Variants in PUS7L observed in about 807,000 individuals in gnomAD.
The protein encoded by PUS7L is pseudouridine synthase 7 like, also known as pseudouridylate synthase PUS7L.
PUS7L carries 49 observed loss-of-function variants against 51.1 expected under a neutral mutation model. The ratio of observed to expected loss-of-function variants is 0.96; its 90% CI spans 0.76 to 1.22. The LOEUF is 1.22. Ranked by LOEUF, PUS7L falls within the 50% of genes most tolerant of loss-of-function variation. The pLI, the probability that PUS7L is intolerant of heterozygous loss-of-function variation, is 0.00. For missense variants in PUS7L, 828 were observed against 820.6 expected, an observed-to-expected ratio of 1.01 and a Z score of -0.11; for synonymous variants, 277 against 276.2, an observed-to-expected ratio of 1.00 and a Z score of -0.03.
rs1944451035 is a variant in PUS7L at position 43,726,055 on chromosome 12, C to T, written c.*4321G>A. On this transcript the variant is annotated 3_prime_UTR_variant, in exon 9 of 9. Coordinates refer to ENST00000344862, the MANE Select transcript of PUS7L (RefSeq NM_031292.5). The stretch of plus-strand genomic sequence containing the variant: ...TCACCTAACCGACTCCCAGGCACTA[C>T]TGCTAGCTCAGCGTCAAACAACCTT... The T allele has an allele frequency of 6.6e-6, 1 of 152,110 alleles. No individual in the cohort carries two copies. The highest frequency in any genetic ancestry group is 1.5e-5 in the Non-Finnish European group (1 of 68,004). The allele number at this position is 152,110 out of a possible 1,614,324, so 9.4% of individuals were successfully genotyped here. A position where few individuals can be genotyped will look rare whatever the true frequency, so the allele number is the denominator to read the frequency against.
Position 43,725,899 on chromosome 12 carries a change from G to A in PUS7L, c.*4477C>T, listed in dbSNP as rs1944448457. The A allele has an allele frequency of 6.6e-6, 1 of 151,984 alleles. No individual in the cohort carries two copies. Among genetic ancestry groups the A allele is most frequent in the African/African-American group, 2.4e-5 (1 of 41,354 alleles). The allele number at this position is 151,984 out of a possible 1,614,324, so 9.4% of individuals were successfully genotyped here. On this transcript the variant is annotated 3_prime_UTR_variant, in exon 9 of 9. Coordinates refer to ENST00000344862, the MANE Select transcript of PUS7L (RefSeq NM_031292.5). ...GGTGGGAATATGGATTAAAGTGTGA[G>A]ATACTGACATAATAGATACTCAGAA...
chr12:43,734,532 T>C (rs1237711760), intron 7 of PUS7L, among the ~76,000 whole-genome samples: 1 of 152,214 alleles, frequency 6.6e-6, no homozygotes, highest in African/African-American at 2.4e-5. Flanking sequence ...CCTTAATTAA[T>C]ACATCAAGAA....
intron 1 of PUS7L, among the ~76,000 whole-genome samples, chr12:43,757,345 AT>A (rs1187632554): frequency 6.7e-6 from 1 of 150,118 alleles, no homozygotes; most frequent in Non-Finnish European, 1.5e-5. Context: ...TAATTCTTGT[AT>A]TTTTTTAGTA....
intron 7 of PUS7L, among the ~76,000 whole-genome samples, chr12:43,733,473 AATATGT>A (rs1275496862): frequency 2.0e-5 from 3 of 152,208 alleles, no homozygotes; most frequent in African/African-American, 7.2e-5. Context: ...AATTCTGCAA[AATATGT>A]AGGAGAAAAT....
intron 3 of PUS7L, among the ~76,000 whole-genome samples, chr12:43,747,503 G>A (rs1432955941): frequency 1.3e-5 from 2 of 152,026 alleles, no homozygotes; most frequent in Non-Finnish European, 2.9e-5. Flanking sequence ...AGACCAGCCT[G>A]GCCAACATGG....
rs1295520824 is a variant in PUS7L at position 43,736,382 on chromosome 12, T to TTA, written c.1722_1723dup (p.Lys575IlefsTer6). On this transcript the variant is annotated frameshift_variant and splice_region_variant, in exon 7 of 9. Coordinates refer to ENST00000344862, the MANE Select transcript of PUS7L (RefSeq NM_031292.5). LOFTEE classifies it high-confidence loss of function. ...AAACTCTGATGGAATGATACTTACT[T>TTA]TACTATTTGGGAAATTCTCGTCATC... The TTA allele has an allele frequency of 6.8e-6, 11 of 1,613,062 alleles. No homozygotes were observed. The African/African-American group carries it at 1.3e-4, about 20-fold the overall frequency.
At position 43,736,230 on chromosome 12, in the gene PUS7L, C is replaced by T. The variant is rs12296219; in HGVS notation, c.1725+151G>A. ...ACATGTGTTAAGCCTAAACTGACAG[C>T]AGACTTGAAGCAGGAGATGAGTAAA... On this transcript the variant is annotated intron_variant, in intron 7 of 8. Transcript: ENST00000344862. 2,802 of 681,592 alleles carry T rather than the reference C, an allele frequency of 4.1e-3. 58 individuals are homozygous for T. In the African/African-American group the frequency reaches 0.045, roughly 11 times the overall value. The allele number at this position is 681,592 out of a possible 1,614,324, so 42.2% of individuals were successfully genotyped here.
chr12:43,735,884 C>T (rs1484545670), intron 7 of PUS7L, among the ~76,000 whole-genome samples: 1 of 152,144 alleles, frequency 6.6e-6, no homozygotes, highest in Non-Finnish European at 1.5e-5. Context: ...TCAAGAGATT[C>T]TCCTGCCTCA....
intron 2 of PUS7L, among the ~76,000 whole-genome samples, chr12:43,753,403 C>G (rs1050568398): frequency 6.6e-6 from 1 of 152,070 alleles, no homozygotes. Flanking sequence ...TTTTTGTGAA[C>G]TAAAAGTCAT....
intron 1 of PUS7L, among the ~76,000 whole-genome samples, chr12:43,757,090 C>T (rs780092933): frequency 6.6e-6 from 1 of 152,202 alleles, no homozygotes; most frequent in African/African-American, 2.4e-5. Flanking sequence ...ATTGTTCCCT[C>T]CCCAATCATA....
chr12:43,738,309 C>A lies in PUS7L; in HGVS notation c.1444+1G>T, dbSNP rs759179787. On this transcript the variant is annotated splice_donor_variant, in intron 6 of 8. Transcript: ENST00000344862. LOFTEE classifies it high-confidence loss of function. ...TGTACAGGATAAAGAAACGTAAATA[C>A]CAGTTTGAAGAAAATACTTCTTTGC... 1.2e-5 allele frequency: 18 copies of A among 1,494,864 alleles called. No homozygotes were observed. Among genetic ancestry groups the A allele is most frequent in the Non-Finnish European group, 1.7e-5 (18 of 1,072,108 alleles). The allele number at this position is 1,494,864 out of a possible 1,614,324, so 92.6% of individuals were successfully genotyped here.
In PUS7L at chr12:43,748,451, T is replaced by G. The variant is rs1359155743; in HGVS notation, c.1069A>C (p.Arg357=). ...TAAAATTTCTTAATATCTTATTACC[T>G]CTCTGGAGTCACTTTTCTAACAACC... ...AMVVRKVTPE[R]LKNIEKEIEK... Residue 357 remains arginine (R), a splice_region_variant and synonymous_variant, in exon 3 of 9, where the codon AGG becomes CGG. Transcript: ENST00000344862. 1 of 1,582,428 alleles carries G rather than the reference T, an allele frequency of 6.3e-7. No individual in the cohort carries two copies. The highest frequency in any genetic ancestry group is 8.5e-7 in the Non-Finnish European group (1 of 1,170,954).
chr12:43,723,072 A>C lies in PUS7L; in HGVS notation c.*7304T>G, dbSNP rs1944415796. 1 of 152,126 alleles carries C rather than the reference A, an allele frequency of 6.6e-6. No homozygotes were observed. The highest frequency in any genetic ancestry group is 1.5e-5 in the Non-Finnish European group (1 of 67,980). 9.4% of individuals were successfully genotyped at this position (152,126 alleles called of 1,614,324 possible). A position where few individuals can be genotyped will look rare whatever the true frequency, so the allele number is the denominator to read the frequency against. Reference sequence around the variant, plus strand: ...GAGTTTCTAACAAAAAAGACAATTTAATATATCTTATATTTTGTAATATGT... The same window carrying C: ...GAGTTTCTAACAAAAAAGACAATTTCATATATCTTATATTTTGTAATATGT... On this transcript the variant is annotated 3_prime_UTR_variant, in exon 9 of 9. Transcript: ENST00000344862.
Position 43,758,711 on chromosome 12 carries a change from G to C in PUS7L, c.-17+19C>G. ...CACATACAAGCCCACCATCGCGCAA[G>C]AAACTCGACCCCGTCTACCTCGGTT... On this transcript the variant is annotated intron_variant, in intron 1 of 8. Coordinates refer to ENST00000344862, the MANE Select transcript of PUS7L (RefSeq NM_031292.5). 5.4e-6 allele frequency: 5 copies of C among 932,250 alleles called. No homozygotes were observed. Among genetic ancestry groups the C allele is most frequent in the Non-Finnish European group, 6.2e-6 (5 of 804,734 alleles). The allele number at this position is 932,250 out of a possible 1,614,324, so 57.7% of individuals were successfully genotyped here.
At position 43,755,043 on chromosome 12, in the gene PUS7L, G is replaced by A. The variant is rs1315763228; in HGVS notation, c.203C>T (p.Pro68Leu). Residue 68 changes from proline (P) to leucine (L), a missense_variant, in exon 2 of 9, where the codon CCC becomes CTC. Physicochemically the swap from Pro to Leu is moderately conservative, Grantham distance 98 (BLOSUM62 -3). Coordinates refer to ENST00000344862, the MANE Select transcript of PUS7L (RefSeq NM_031292.5). ...TTGAAGATCTAGTTTTGGTTTTTTG[G>A]GAAAATTATTTGGCTCAAGTTGTAT... ...SEIQLEPNNF[P>L]KKPKLDLQNL... 4 of 1,612,320 alleles carry A rather than the reference G, an allele frequency of 2.5e-6. No individual in the cohort carries two copies. In the Admixed American group the frequency reaches 5.0e-5, roughly 20 times the overall value.
intron 4 of PUS7L, among the ~76,000 whole-genome samples, chr12:43,744,604 A>C (rs1049473396): frequency 6.6e-6 from 1 of 152,206 alleles, no homozygotes; most frequent in African/African-American, 2.4e-5. Context: ...TGGACTAACA[A>C]AACATATAAA....
Position 43,754,848 on chromosome 12 carries a change from G to GT in PUS7L, c.397dup (p.Thr133AsnfsTer3), listed in dbSNP as rs1938619201. ...GGCAAAATTATTCAGTAACTCATGA[G>GT]TTTTTTCATCCAAAAAGGAGCTTAA... On this transcript the variant is annotated frameshift_variant, in exon 2 of 9. Coordinates refer to ENST00000344862, the MANE Select transcript of PUS7L (RefSeq NM_031292.5). LOFTEE classifies it high-confidence loss of function. 2 of 1,613,588 alleles carry GT rather than the reference G, an allele frequency of 1.2e-6. No individual in the cohort carries two copies. The highest frequency in any genetic ancestry group is 1.1e-5 in the South Asian group (1 of 91,052).
intron 4 of PUS7L, among the ~76,000 whole-genome samples, chr12:43,743,627 G>C (rs1202131407): frequency 6.6e-6 from 1 of 152,144 alleles, no homozygotes; most frequent in Non-Finnish European, 1.5e-5. Flanking sequence ...GCTGGGCGTG[G>C]TGGCGGGCAC....
At chr12:43,735,409 T>C (rs1024680765) in intron 7 of PUS7L, among the ~76,000 whole-genome samples, 2 of 151,910 alleles carry the variant, frequency 1.3e-5, no homozygotes, top group East Asian at 1.9e-4. Flanking sequence ...CCAAGCTTTA[T>C]AATATAAACT....
Sources: allele counts gnomAD v4.1 joint callset (sites outside exome capture counted in the v4.1 genomes callset), GRCh38; gene constraint gnomAD v4.1.1; transcripts MANE v1.5; gene names NCBI Gene and HGNC (gene_info 2026-07-23, HGNC 2026-07-21).